Variants in EML6 observed in about 807,000 individuals in gnomAD.
EML6 encodes the protein EMAP like 6, also known as echinoderm microtubule-associated protein-like 6.
EML6 carries 154 observed loss-of-function variants against 240.1 expected under a neutral mutation model. The ratio of observed to expected loss-of-function variants is 0.64; its 90% CI spans 0.56 to 0.73. The LOEUF (loss-of-function observed/expected upper bound fraction) is 0.73. Ranked by LOEUF, EML6 falls within the 30% of genes least tolerant of loss-of-function variation. The pLI is 0.00. For synonymous variants in EML6, 1,148 were observed against 899.0 expected (o/e 1.28, Z -4.95); for missense variants, 2,964 against 2,474.6 (o/e 1.20, Z -4.20).
intron 26 of EML6, among the ~76,000 whole-genome samples, chr2:54,926,576 T>A (rs1674558075): frequency 6.6e-6 from 1 of 152,238 alleles, no homozygotes; most frequent in Non-Finnish European, 1.5e-5. Flanking sequence ...CCGTAGGCCC[T>A]GCCGGGAACC....
At chr2:54,969,650 A>C (rs1408774677) in intron 41 of EML6, among the ~76,000 whole-genome samples, 2 of 152,234 alleles carry the variant, frequency 1.3e-5, no homozygotes, top group African/African-American at 4.8e-5. Flanking sequence ...TATAAAAAAG[A>C]AGTGGCCTTA....
intron 24 of EML6, among the ~76,000 whole-genome samples, chr2:54,904,895 C>G (rs1038692476): frequency 6.6e-6 from 1 of 152,194 alleles, no homozygotes; most frequent in African/African-American, 2.4e-5. Flanking sequence ...CTTGGAAACC[C>G]TTCTGCCTGG....
chr2:54,766,023 TC>T (rs1379844822), intron 2 of EML6, among the ~76,000 whole-genome samples: 1 of 152,104 alleles, frequency 6.6e-6, no homozygotes, highest in East Asian at 1.9e-4. Flanking sequence ...TCTTTCCACC[TC>T]CTCCTCTCAC....
chr2:54,959,333 C>A lies in EML6; in HGVS notation c.4853+72C>A, dbSNP rs929594175. The A allele has an allele frequency of 2.1e-6, 3 of 1,397,908 alleles. No individual in the cohort carries two copies. The Admixed American group carries it at 8.1e-5, about 38-fold the overall frequency. 86.6% of individuals were successfully genotyped at this position (1,397,908 alleles called of 1,614,324 possible). ...TGGGAGAAACTGACAAAAGTGTTCC[C>A]AACTTGGAGAAAATGCAGACTGTCA... On this transcript the variant is annotated intron_variant, in intron 34 of 41. Coordinates refer to ENST00000356458, the MANE Select transcript of EML6 (RefSeq NM_001039753.4).
chr2:54,942,201 G>C (rs1421598878), intron 28 of EML6, among the ~76,000 whole-genome samples: 3 of 152,192 alleles, frequency 2.0e-5, no homozygotes, highest in African/African-American at 7.2e-5. Flanking sequence ...AGAGTGGCCA[G>C]TGTATAAAAA....
chr2:54,952,838 C>A, intron 31 of EML6, 146 bp downstream of exon 31: 1 of 619,366 alleles, frequency 1.6e-6, no homozygotes. Flanking sequence ...CTGAGTGTAT[C>A]TGTGTCACCT....
chr2:54,782,421 A>C (rs2103855996), intron 2 of EML6, among the ~76,000 whole-genome samples: 1 of 152,288 alleles, frequency 6.6e-6, no homozygotes, highest in East Asian at 1.9e-4. Flanking sequence ...TTTCCTAGGG[A>C]AATTGAAAAA....
At chr2:54,870,673 T>G (rs1471982816) in intron 15 of EML6, among the ~76,000 whole-genome samples, 1 of 152,198 alleles carries the variant, frequency 6.6e-6, no homozygotes, top group African/African-American at 2.4e-5. Context: ...CCTCTTTTTT[T>G]AAGTAAAAGC....
chr2:54,756,848 T>A (rs1272861486), intron 2 of EML6, among the ~76,000 whole-genome samples: 1 of 152,012 alleles, frequency 6.6e-6, no homozygotes, highest in Non-Finnish European at 1.5e-5. Context: ...TGAGTCTCAG[T>A]TCTGGAATGT....
chr2:54,919,248 C>CCCA (rs1553415853), intron 26 of EML6, among the ~76,000 whole-genome samples: 2 of 142,458 alleles, frequency 1.4e-5, no homozygotes, highest in African/African-American at 5.1e-5. Flanking sequence ...TGCTTCCCCC[C>CCCA]CCCCCCAATC....
At chr2:54,840,989 C>G (rs1669417125) in intron 7 of EML6, among the ~76,000 whole-genome samples, 2 of 152,204 alleles carry the variant, frequency 1.3e-5, no homozygotes, top group Non-Finnish European at 2.9e-5. Flanking sequence ...AGCCCCTCCT[C>G]CCAAGCCCCT....
At chr2:54,912,551 C>G (rs1424984703) in intron 25 of EML6, among the ~76,000 whole-genome samples, 2 of 152,130 alleles carry the variant, frequency 1.3e-5, no homozygotes, top group South Asian at 2.1e-4. Flanking sequence ...GTGTTTCAGC[C>G]TTTGCCACCT....
At chr2:54,916,314 C>A (rs1673906637) in intron 25 of EML6, among the ~76,000 whole-genome samples, 1 of 152,152 alleles carries the variant, frequency 6.6e-6, no homozygotes, top group African/African-American at 2.4e-5. Flanking sequence ...TGCCTGGGGA[C>A]AAGGGTATGC....
intron 28 of EML6, among the ~76,000 whole-genome samples, chr2:54,937,154 T>G (rs189337586): frequency 1.8e-4 from 27 of 151,838 alleles, no homozygotes. Context: ...TGCACATGCC[T>G]GTAATCCCAG....
chr2:54,901,312 C>G (rs1177921163), intron 22 of EML6, among the ~76,000 whole-genome samples: 2 of 152,206 alleles, frequency 1.3e-5, no homozygotes, highest in Non-Finnish European at 2.9e-5. Flanking sequence ...TGTCTTTACA[C>G]TAGGCTCCTG....
intron 4 of EML6, among the ~76,000 whole-genome samples, chr2:54,818,761 T>A (rs1047886639): frequency 2.6e-5 from 4 of 152,222 alleles, no homozygotes; most frequent in African/African-American, 9.6e-5. Context: ...GTGATGAGTC[T>A]GTAATCTTAG....
At chr2:54,799,383 A>G (rs111428990) in intron 2 of EML6, among the ~76,000 whole-genome samples, 33 of 150,426 alleles carry the variant, frequency 2.2e-4, no homozygotes, top group African/African-American at 6.8e-4. Context: ...TTTTTTTAAG[A>G]TGGAGCCTCT....
intron 39 of EML6, 151 bp downstream of exon 39, chr2:54,967,254 C>T: frequency 1.8e-6 from 1 of 563,872 alleles, no homozygotes; most frequent in Non-Finnish European, 3.2e-6. Flanking sequence ...GGCTTCTTGG[C>T]TAGTCTAGTT....
At chr2:54,747,843 A>G (rs1683986367) in intron 2 of EML6, among the ~76,000 whole-genome samples, 2 of 152,042 alleles carry the variant, frequency 1.3e-5, no homozygotes, top group South Asian at 4.1e-4. Context: ...TGTTTCTACT[A>G]GTATACTCAT....
Sources: gnomAD v4.1 joint callset for allele counts (sites outside exome capture counted in the v4.1 genomes callset) on GRCh38, gnomAD v4.1.1 for gene constraint, MANE v1.5 for transcripts, NCBI Gene and HGNC (gene_info 2026-07-23, HGNC 2026-07-21) for gene names.